The following AGTPBP1 variants were observed in gnomAD, a reference collection of about 807,000 sequenced individuals.
The protein encoded by AGTPBP1 is cytosolic carboxypeptidase 1.
In AGTPBP1, 70 loss-of-function variants were observed where a neutral mutation model predicts 143.9. That is an observed-to-expected ratio of 0.49 (90% confidence interval 0.40 to 0.59). The LOEUF is 0.59. Ranked by LOEUF, AGTPBP1 falls within the 20% of genes least tolerant of loss-of-function variation. The pLI is 0.00. For missense variants in AGTPBP1, 1,229 were observed against 1,464.5 expected, an observed-to-expected ratio of 0.84 and a Z score of 2.62; for synonymous variants, 463 against 500.2, an observed-to-expected ratio of 0.93 and a Z score of 0.99.
chr9:85,703,496 T>C (rs1388810647), intron 2 of AGTPBP1, among the ~76,000 whole-genome samples: 2 of 152,212 alleles, frequency 1.3e-5, no homozygotes, highest in African/African-American at 2.4e-5. Flanking sequence ...ATACAAAACA[T>C]AGTATTCACT....
At chr9:85,747,729 A>G in the AGTPBP1 span, among the ~76,000 whole-genome samples, 1 of 152,148 alleles carries the variant, frequency 6.6e-6, no homozygotes, top group Non-Finnish European at 1.5e-5. Context: ...TTCTATACTC[A>G]CCTAGGATGG....
chr9:85,736,530 T>C (rs1342306207), intron 1 of AGTPBP1, among the ~76,000 whole-genome samples: 1 of 152,166 alleles, frequency 6.6e-6, no homozygotes, highest in African/African-American at 2.4e-5. Flanking sequence ...TATCTAGCTA[T>C]AATACTTTTT....
At chr9:85,782,762 C>G in the AGTPBP1 span, among the ~76,000 whole-genome samples, 6 of 152,140 alleles carry the variant, frequency 3.9e-5, no homozygotes, top group African/African-American at 7.2e-5. Flanking sequence ...AGGATAAAGA[C>G]GTGATACAAA....
chr9:85,570,601 A>G (rs1313424484), intron 25 of AGTPBP1, among the ~76,000 whole-genome samples: 2 of 152,188 alleles, frequency 1.3e-5, no homozygotes, highest in Non-Finnish European at 2.9e-5. Context: ...TCACAAACAT[A>G]AACTGTGCTT....
chr9:85,646,382 T>C lies in AGTPBP1; in HGVS notation c.1124A>G (p.Asp375Gly), dbSNP rs1564100890. 6.2e-7 allele frequency: 1 copy of C among 1,613,118 alleles called. No homozygotes were observed. Among genetic ancestry groups the C allele is most frequent in the Non-Finnish European group, 8.5e-7 (1 of 1,179,766 alleles). The stretch of plus-strand genomic sequence containing the variant: ...TTCGTTTTCAGCTTCTACATCAATA[T>C]CATCGTTGTCATCACTTTCATCTAC... ...DVVDESDDNDDIDVEAENETE... is the reference protein window; with the variant it reads ...DVVDESDDNDGIDVEAENETE... Residue 375 changes from aspartate to glycine, a missense_variant, in exon 12 of 26, where the codon GAT becomes GGT. This residue lies in a region of AGTPBP1 where 743 missense variants were observed against 812.2 expected (regional missense o/e 0.91). Coordinates refer to ENST00000357081, the MANE Select transcript of AGTPBP1 (RefSeq NM_001330701.2).
chr9:85,576,016 A>C (rs184746049), intron 24 of AGTPBP1, among the ~76,000 whole-genome samples: 3 of 152,176 alleles, frequency 2.0e-5, no homozygotes, highest in Non-Finnish European at 4.4e-5. Context: ...TGGTCAAATA[A>C]ATTCCTATGA....
chr9:85,548,060 G>A (rs72744889), intron 25 of AGTPBP1, among the ~76,000 whole-genome samples: 1,735 of 152,188 alleles, frequency 0.011, 23 homozygotes, highest in South Asian at 0.024. Flanking sequence ...AAACATTTTA[G>A]AATCTCTAAG....
intron 25 of AGTPBP1, among the ~76,000 whole-genome samples, chr9:85,569,773 A>C (rs1029192813): frequency 6.6e-6 from 1 of 152,200 alleles, no homozygotes; most frequent in Non-Finnish European, 1.5e-5. Flanking sequence ...TGCTTACATC[A>C]TAGAAGTCCC....
intron 8 of AGTPBP1, among the ~76,000 whole-genome samples, chr9:85,666,918 T>C (rs928861503): frequency 6.6e-6 from 1 of 152,112 alleles, no homozygotes; most frequent in African/African-American, 2.4e-5. Context: ...CTGTATTACA[T>C]TAATACAGGC....
intron 23 of AGTPBP1, 105 bp downstream of exon 23, chr9:85,585,358 C>CA: frequency 1.4e-5 from 17 of 1,172,474 alleles, no homozygotes; most frequent in Non-Finnish European, 1.8e-5. Context: ...ACAAAAATGG[C>CA]AAAATGTCAA....
intron 25 of AGTPBP1, among the ~76,000 whole-genome samples, chr9:85,573,082 C>T (rs1827617786): frequency 6.6e-6 from 1 of 151,996 alleles, no homozygotes; most frequent in Non-Finnish European, 1.5e-5. Flanking sequence ...CTCTCCCTCT[C>T]CCTCTCCCTC....
intron 25 of AGTPBP1, among the ~76,000 whole-genome samples, chr9:85,548,116 T>C (rs1211430347): frequency 6.6e-6 from 1 of 152,218 alleles, no homozygotes; most frequent in African/African-American, 2.4e-5. Context: ...TATGTTTGTT[T>C]ATTTCCCACC....
Position 85,618,980 on chromosome 9 carries a change from T to C in AGTPBP1, c.2335+3A>G, listed in dbSNP as rs1217466913. ...TTTCAATTGGGAAAGAAAACTGTCT[T>C]ACCATAATTAAACTGACTGTTGGAC... On this transcript the variant is annotated splice_donor_region_variant and intron_variant, in intron 17 of 25. Coordinates refer to ENST00000357081, the MANE Select transcript of AGTPBP1 (RefSeq NM_001330701.2). 1 of 1,609,536 alleles carries C rather than the reference T, an allele frequency of 6.2e-7. No homozygotes were observed. The highest frequency in any genetic ancestry group is 8.5e-7 in the Non-Finnish European group (1 of 1,178,550).
At chr9:85,655,361 T>C in intron 10 of AGTPBP1, 41 bp from the exon 11 acceptor site, 1 of 1,448,306 alleles carries the variant, frequency 6.9e-7, no homozygotes, top group Non-Finnish European at 9.1e-7. Context: ...ATGTTTTTGA[T>C]GAATAACTGA....
At chr9:85,657,200 CAA>C (rs772108835) in intron 10 of AGTPBP1, among the ~76,000 whole-genome samples, 8 of 127,574 alleles carry the variant, frequency 6.3e-5, no homozygotes, top group African/African-American at 8.5e-5. Context: ...AAAAATAATA[CAA>C]AAAAAAAAAA....
intron 3 of AGTPBP1, among the ~76,000 whole-genome samples, chr9:85,691,075 T>C (rs1361140101): frequency 1.3e-5 from 2 of 152,182 alleles, no homozygotes; most frequent in South Asian, 2.1e-4. Flanking sequence ...AGGTATTTCA[T>C]ATGACAATGC....
At chr9:85,662,575 AAACT>A (rs1336841502) in intron 8 of AGTPBP1, among the ~76,000 whole-genome samples, 23 of 152,272 alleles carry the variant, frequency 1.5e-4, no homozygotes, top group African/African-American at 5.3e-4. Flanking sequence ...CGATTTATAA[AAACT>A]AAAATGGAAA....
chr9:85,747,418 T>C, the AGTPBP1 span, among the ~76,000 whole-genome samples: 1 of 152,200 alleles, frequency 6.6e-6, no homozygotes, highest in Non-Finnish European at 1.5e-5. Flanking sequence ...AAAAAGGCCA[T>C]TGGAATTTTG....
At chr9:85,695,113 C>G (rs1057015328) in intron 2 of AGTPBP1, among the ~76,000 whole-genome samples, 2 of 152,014 alleles carry the variant, frequency 1.3e-5, no homozygotes, top group African/African-American at 4.8e-5. Context: ...TTTTTTTTAA[C>G]TTTTATTTTG....
Sources: gnomAD v4.1 joint callset for allele counts (sites outside exome capture counted in the v4.1 genomes callset) on GRCh38, gnomAD v4.1.1 for gene constraint, gnomAD v4.1.1 regional missense constraint, MANE v1.5 for transcripts, NCBI Gene and HGNC (gene_info 2026-07-23, HGNC 2026-07-21) for gene names.